ACBD6: variants seen among roughly 807,000 people sequenced by gnomAD.
The protein encoded by ACBD6 is acyl-CoA-binding domain-containing protein 6.
In ACBD6, 28 loss-of-function variants were observed where a neutral mutation model predicts 37.2. The observed-to-expected ratio is 0.75, with a 90% confidence interval of 0.56 to 1.03. The LOEUF is 1.03. Ranked by LOEUF, ACBD6 falls within the 50% of genes least tolerant of loss-of-function variation. The pLI is 0.00. For synonymous variants in ACBD6, 113 were observed against 126.8 expected (o/e 0.89, Z 0.73); for missense variants, 340 against 337.4 (o/e 1.01, Z -0.06).
intron 3 of ACBD6, among the ~76,000 whole-genome samples, chr1:180,487,180 T>C (rs137896771): frequency 2.5e-4 from 38 of 152,308 alleles, no homozygotes; most frequent in African/African-American, 8.7e-4. Flanking sequence ...TAAATTTGAA[T>C]ATGGACTACA....
rs187081694 is a variant in ACBD6, at chr1:180,386,659, C to T, written c.663+10857G>A. 5.5e-3 allele frequency among the ~76,000 whole-genome samples: 830 copies of T among 152,052 alleles called. 7 individuals are homozygous for T. Among genetic ancestry groups the T allele is most frequent in the African/African-American group, 0.019 (785 of 41,468 alleles). On this transcript the variant is annotated intron_variant, in intron 6 of 7. Transcript: ENST00000367595. ...TATTCAAATTATATACTTTCTATTG[C>T]TTTAAGTTCACTGATCTTTTTATCA...
intron 6 of ACBD6, among the ~76,000 whole-genome samples, chr1:180,358,560 A>AAT (rs1440220616): frequency 1.3e-5 from 2 of 151,576 alleles, no homozygotes; most frequent in Non-Finnish European, 2.9e-5. Flanking sequence ...AAACCCCAAA[A>AAT]AAAACCCCAA....
At chr1:180,381,570 G>A (rs1653648134) in intron 6 of ACBD6, among the ~76,000 whole-genome samples, 1 of 152,058 alleles carries the variant, frequency 6.6e-6, no homozygotes, top group South Asian at 2.1e-4. Flanking sequence ...AGGAACTTTG[G>A]AAACTGTATA....
intron 3 of ACBD6, among the ~76,000 whole-genome samples, chr1:180,489,464 T>C (rs1444893313): frequency 6.6e-6 from 1 of 151,306 alleles, no homozygotes; most frequent in Non-Finnish European, 1.5e-5. Context: ...TAGAATAGTA[T>C]GTTATATATT....
intron 6 of ACBD6, among the ~76,000 whole-genome samples, chr1:180,395,122 T>G (rs1446851465): frequency 6.6e-6 from 1 of 152,230 alleles, no homozygotes; most frequent in Non-Finnish European, 1.5e-5. Flanking sequence ...AAGTATAAAT[T>G]GTTACAGTCC....
At chr1:180,464,652 C>A (rs892093935) in intron 3 of ACBD6, among the ~76,000 whole-genome samples, 1 of 152,060 alleles carries the variant, frequency 6.6e-6, no homozygotes, top group Non-Finnish European at 1.5e-5. Flanking sequence ...ATCAAACTAC[C>A]AATGACATTC....
intron 7 of ACBD6, among the ~76,000 whole-genome samples, chr1:180,298,609 C>T (rs534084860): frequency 6.6e-6 from 1 of 152,140 alleles, no homozygotes; most frequent in African/African-American, 2.4e-5. Context: ...CTCTAGTCAA[C>T]CAGCTATGAA....
intron 3 of ACBD6, among the ~76,000 whole-genome samples, chr1:180,486,229 C>T (rs1016746426): frequency 1.3e-5 from 2 of 152,192 alleles, no homozygotes; most frequent in African/African-American, 4.8e-5. Context: ...TAGTTCAGTG[C>T]TCCTTCCCTA....
At chr1:180,485,325 G>A (rs945433072) in intron 3 of ACBD6, among the ~76,000 whole-genome samples, 3 of 152,094 alleles carry the variant, frequency 2.0e-5, no homozygotes, top group Admixed American at 1.3e-4. Context: ...CCCCAAAAAG[G>A]TATGCCCAAA....
intron 6 of ACBD6, among the ~76,000 whole-genome samples, chr1:180,352,052 C>T (rs1652441241): frequency 6.6e-6 from 1 of 152,040 alleles, no homozygotes; most frequent in African/African-American, 2.4e-5. Flanking sequence ...CACAAAAGGA[C>T]AAATATGCTA....
intron 6 of ACBD6, among the ~76,000 whole-genome samples, chr1:180,325,204 T>A (rs1204305481): frequency 6.6e-6 from 1 of 152,212 alleles, no homozygotes; most frequent in Non-Finnish European, 1.5e-5. Flanking sequence ...TCTTTCTCGA[T>A]CTCCTCCTTA....
chr1:180,424,756 AGAG>A (rs1170640973), intron 4 of ACBD6, among the ~76,000 whole-genome samples: 3 of 152,178 alleles, frequency 2.0e-5, no homozygotes, highest in South Asian at 2.1e-4. Flanking sequence ...GGAAAAAGGA[AGAG>A]GAGAAGAAAA....
In ACBD6 at chr1:180,489,029, GC is replaced by G. The variant is rs547403068; in HGVS notation, c.384+3239del. 3.5e-4 allele frequency among the ~76,000 whole-genome samples: 53 copies of G among 152,118 alleles called. 1 individual carries two copies. In the East Asian group the frequency reaches 9.3e-3, roughly 27 times the overall value. ...CATGTAAAGAACTCAGCACATTCAGGCCAGGTGCAGTGGCTCATGCTAGCTA... is the reference window on the plus strand; with the variant it reads ...CATGTAAAGAACTCAGCACATTCAGGCAGGTGCAGTGGCTCATGCTAGCTA... On this transcript the variant is annotated intron_variant, in intron 3 of 7. Coordinates refer to ENST00000367595, the MANE Select transcript of ACBD6 (RefSeq NM_032360.4).
At chr1:180,402,235 C>G (rs942921048) in intron 5 of ACBD6, among the ~76,000 whole-genome samples, 1 of 152,170 alleles carries the variant, frequency 6.6e-6, no homozygotes, top group Admixed American at 6.5e-5. Context: ...ATGCCTCCTT[C>G]TTTCACTTCC....
chr1:180,462,734 A>G (rs193206165), intron 3 of ACBD6, among the ~76,000 whole-genome samples: 6 of 152,332 alleles, frequency 3.9e-5, no homozygotes, highest in Non-Finnish European at 8.8e-5. Flanking sequence ...AATGGACCTG[A>G]TAAGTATCTA....
intron 1 of ACBD6, among the ~76,000 whole-genome samples, chr1:180,501,501 A>ACT (rs1167039261): frequency 6.6e-6 from 1 of 152,164 alleles, no homozygotes; most frequent in East Asian, 1.9e-4. Context: ...CTAACTTAGT[A>ACT]GAGACGGGGT....
At position 180,314,739 on chromosome 1, in the gene ACBD6, T is replaced by C; in HGVS notation, c.664-17A>G. On this transcript the variant is annotated splice_polypyrimidine_tract_variant and intron_variant, in intron 6 of 7. Coordinates refer to ENST00000367595, the MANE Select transcript of ACBD6 (RefSeq NM_032360.4). ...TTCATTGTCCTATAAAAGAAACAAA[T>C]AATACATTTTAGAAGTCTAAGTAAT... The C allele has an allele frequency of 5.9e-6, 9 of 1,520,844 alleles. No individual in the cohort carries two copies. The highest frequency in any genetic ancestry group is 8.2e-6 in the Non-Finnish European group (9 of 1,098,320). The allele number at this position is 1,520,844 out of a possible 1,614,324, so 94.2% of individuals were successfully genotyped here.
chr1:180,356,372 G>A (rs190361178), intron 6 of ACBD6, among the ~76,000 whole-genome samples: 5 of 150,156 alleles, frequency 3.3e-5, no homozygotes, highest in East Asian at 4.0e-4. Flanking sequence ...GGGTTTTACC[G>A]TGTCGCCCAG....
intron 1 of ACBD6, among the ~76,000 whole-genome samples, chr1:180,499,475 T>TG (rs1173545746): frequency 6.6e-6 from 1 of 152,194 alleles, no homozygotes; most frequent in Non-Finnish European, 1.5e-5. Flanking sequence ...CTGGATGAAG[T>TG]GAGTATACCT....
Sources: gnomAD v4.1 joint callset for allele counts (sites outside exome capture counted in the v4.1 genomes callset) on GRCh38, gnomAD v4.1.1 for gene constraint, MANE v1.5 for transcripts, NCBI Gene and HGNC (gene_info 2026-07-23, HGNC 2026-07-21) for gene names.